Variants in CCDC74A observed in about 807,000 individuals in gnomAD.
The protein encoded by CCDC74A is coiled-coil domain containing 74A.
Under a neutral mutation model 37.6 loss-of-function variants are expected in CCDC74A, and 38 were observed. The observed-to-expected ratio is 1.01, with a 90% CI of 0.78 to 1.33. CCDC74A has a LOEUF of 1.33. Among genes scored for constraint, CCDC74A ranks in the 40% most tolerant of loss-of-function variants. CCDC74A has a pLI of 0.00. For synonymous variants in CCDC74A, 134 were observed against 165.2 expected, an observed-to-expected ratio of 0.81 and a Z score of 1.45; for missense variants, 340 against 403.4, an observed-to-expected ratio of 0.84 and a Z score of 1.35.
In CCDC74A at chr2:131,531,807, G is replaced by A. The variant is rs1681354435; in HGVS notation, c.485+5G>A. 2 of 1,526,400 alleles carry A rather than the reference G, an allele frequency of 1.3e-6. No homozygotes were observed. The highest frequency in any genetic ancestry group is 1.7e-6 in the Non-Finnish European group (2 of 1,146,474). 94.6% of individuals were successfully genotyped at this position (1,526,400 alleles called of 1,614,324 possible). A position where few individuals can be genotyped will look rare whatever the true frequency, so the allele number is the denominator to read the frequency against. On this transcript the variant is annotated splice_donor_5th_base_variant and intron_variant, in intron 4 of 7. Coordinates refer to ENST00000409856, the MANE Select transcript of CCDC74A (RefSeq NM_001258306.3). ...TGGGGTACAAGGGCAGGCCAGGTAA[G>A]GCTTGGGTGTTCCTGGGGTGCAAGG...
At position 131,533,608 on chromosome 2, in the gene CCDC74A, C is replaced by T. The variant is rs578163684; in HGVS notation, c.*210C>T. 7.7e-6 allele frequency: 5 copies of T among 648,470 alleles called. No individual in the cohort carries two copies. The highest frequency in any genetic ancestry group is 7.8e-6 in the Non-Finnish European group (3 of 386,234). 40.2% of individuals were successfully genotyped at this position (648,470 alleles called of 1,614,324 possible). On this transcript the variant is annotated 3_prime_UTR_variant, in exon 8 of 8. Coordinates refer to ENST00000409856, the MANE Select transcript of CCDC74A (RefSeq NM_001258306.3). ...TATTTGGCATTTACATAAAAGCACA[C>T]GATGAAGCAGGTATCGCCTTACCTG...
Position 131,528,076 on chromosome 2 carries a change from C to T in CCDC74A, c.106C>T (p.Pro36Ser). 6.2e-7 allele frequency: 1 copy of T among 1,610,218 alleles called. No individual in the cohort carries two copies. The highest frequency in any genetic ancestry group is 8.5e-7 in the Non-Finnish European group (1 of 1,178,824). ...CTCTGTGGGCGTCCAGTCCTTGAGG[C>T]CGCAGAGCCCGCAGCTCAGGCAGAG... is the stretch of plus-strand genomic sequence containing the variant. ...RPSVGVQSLR[P>S]QSPQLRQSDP... The change falls in exon 1 of 8, where the codon CCG becomes TCG. Residue 36 changes from proline (P) to serine (S), a missense_variant. Physicochemically the swap from Pro to Ser is moderately conservative, Grantham distance 74 (BLOSUM62 -1). Transcript: ENST00000409856.
At chr2:131,530,068 G>A (rs1221006224) in intron 2 of CCDC74A, 4 of 1,550,280 alleles carry the variant, frequency 2.6e-6, no homozygotes, top group Middle Eastern at 3.3e-4. Flanking sequence ...CAGCCCTATG[G>A]CTCTGAGTCC....
intron 1 of CCDC74A, among the ~76,000 whole-genome samples, chr2:131,528,957 C>T (rs918825672): frequency 1.5e-5 from 2 of 131,194 alleles, no homozygotes; most frequent in African/African-American, 5.6e-5. Context: ...TGTGCCCATG[C>T]TGTCCTCCGG....
chr2:131,528,633 ATCTCG>A, intron 1 of CCDC74A: 1 of 659,682 alleles, frequency 1.5e-6, no homozygotes, highest in Non-Finnish European at 2.6e-6. Flanking sequence ...ACACGGTGAA[ATCTCG>A]TCTCTACTAA....
rs768343816 is a variant in CCDC74A at position 131,533,391 on chromosome 2, T to C, written c.932T>C (p.Val311Ala). 5.0e-6 allele frequency: 8 copies of C among 1,613,484 alleles called. No homozygotes were observed. The highest frequency in any genetic ancestry group is 6.8e-6 in the Non-Finnish European group (8 of 1,179,964). Residue 311 changes from valine (V) to alanine (A), a missense_variant, in exon 8 of 8, where the codon GTG becomes GCG. Physicochemically the swap from Val to Ala is moderately conservative, Grantham distance 64. Coordinates refer to ENST00000409856, the MANE Select transcript of CCDC74A (RefSeq NM_001258306.3). ...CAGAAACGGCGCCTGCATCGCTCAG[T>C]GCTTTGAGCCACCCCAATCTGGTCA... ...AMQKRRLHRS[V>A]L is the part of the protein sequence containing the mutation.
At chr2:131,526,763 G>T (rs1278288622), upstream of CCDC74A, among the ~76,000 whole-genome samples, 2 of 152,206 alleles carry the variant, frequency 1.3e-5, no homozygotes, top group African/African-American at 4.8e-5. Context: ...CATGTGTTCT[G>T]TTTGTTAACT....
In CCDC74A at chr2:131,533,479, C is replaced by T; in HGVS notation, c.*81C>T. The T allele has an allele frequency of 6.4e-7, 1 of 1,570,694 alleles. No individual in the cohort carries two copies. Among genetic ancestry groups the T allele is most frequent in the East Asian group, 2.3e-5 (1 of 44,172 alleles). On this transcript the variant is annotated 3_prime_UTR_variant, in exon 8 of 8. Coordinates refer to ENST00000409856, the MANE Select transcript of CCDC74A (RefSeq NM_001258306.3). ...TCTATAGCATTTCCTGATACTTCCG[C>T]TACTTTTAGGCCTGGCTAAATTCCA...
intron 2 of CCDC74A, 105 bp from the exon 3 acceptor site, chr2:131,530,672 C>A (rs1681097541): frequency 6.2e-7 from 1 of 1,612,882 alleles, no homozygotes; most frequent in African/African-American, 1.3e-5. Context: ...CCGGGAGGAC[C>A]CAGCCCTGCC....
At chr2:131,528,317 C>T (rs917449689) in intron 1 of CCDC74A, 97 bp downstream of exon 1, 2 of 1,552,198 alleles carry the variant, frequency 1.3e-6, no homozygotes, top group Admixed American at 2.0e-5. Flanking sequence ...AACTCCAGCA[C>T]ACGCCTGGGC....
chr2:131,522,896 T>C (rs1488767997), upstream of CCDC74A, among the ~76,000 whole-genome samples: 1 of 152,144 alleles, frequency 6.6e-6, no homozygotes, highest in African/African-American at 2.4e-5. Flanking sequence ...ACATTTCCAA[T>C]ATAAATGAGA....
intron 4 of CCDC74A, among the ~76,000 whole-genome samples, chr2:131,532,235 T>C (rs2599961): frequency 0.63 from 68,039 of 108,606 alleles, 16,240 homozygotes; most frequent in Middle Eastern, 0.7. Flanking sequence ...TGCTACAGAG[T>C]GCACACTTTC....
rs1352794418 is a variant in CCDC74A, at chr2:131,529,687, G to T, written c.291G>T (p.Lys97Asn). The T allele has an allele frequency of 6.2e-6, 10 of 1,613,902 alleles. No homozygotes were observed. The highest frequency in any genetic ancestry group is 7.6e-6 in the Non-Finnish European group (9 of 1,179,872). ...TCATAATGAATCAGACATCACAGAA[G>T]AAAGGTGAGAACTGGGCCCTTCAGT... is the stretch of plus-strand genomic sequence containing the variant. ...YKLIMNQTSQ[K>N]KDSLSMSSFQ... Residue 97 changes from lysine (K) to asparagine (N), a missense_variant, in exon 2 of 8, where the codon AAG becomes AAT. This residue lies in a region of CCDC74A where 154 missense variants were observed against 153.9 expected (regional missense o/e 1.00). Coordinates refer to ENST00000409856, the MANE Select transcript of CCDC74A (RefSeq NM_001258306.3).
At chr2:131,525,782 C>T (rs1465843968), upstream of CCDC74A, among the ~76,000 whole-genome samples, 1 of 135,920 alleles carries the variant, frequency 7.4e-6, no homozygotes, top group Non-Finnish European at 1.5e-5. Flanking sequence ...GCAGTGGTAC[C>T]ATCTTGGCTC....
chr2:131,532,744 G>T lies in CCDC74A; in HGVS notation c.641G>T (p.Arg214Leu), dbSNP rs534659950. ...TTLRQCEVLI[R>L]ELWNTNLLQT... The stretch of plus-strand genomic sequence containing the variant: ...CTTAGGCAGTGCGAAGTGCTCATCC[G>T]CGAGCTGTGGAATACCAACCTCCTG... Residue 214 changes from arginine to leucine, a missense_variant, in exon 5 of 8, where the codon CGC (arginine) becomes CTC (leucine). Arg to Leu is a moderately radical substitution (Grantham distance 102). Transcript: ENST00000409856. 7 of 1,613,500 alleles carry T rather than the reference G, an allele frequency of 4.3e-6. No individual in the cohort carries two copies. Among genetic ancestry groups the T allele is most frequent in the Non-Finnish European group, 5.9e-6 (7 of 1,179,790 alleles).
upstream of CCDC74A, among the ~76,000 whole-genome samples, chr2:131,527,109 A>AT (rs1465983831): frequency 1.4e-5 from 2 of 140,930 alleles, no homozygotes; most frequent in African/African-American, 5.3e-5. Flanking sequence ...AAATTTATTT[A>AT]TTTATTTATT....
Position 131,533,028 on chromosome 2 carries a change from G to C in CCDC74A, c.768G>C (p.Thr256=). Residue 256 remains threonine (T), a synonymous_variant, in exon 7 of 8, where the codon ACG becomes ACC. Coordinates refer to ENST00000409856, the MANE Select transcript of CCDC74A (RefSeq NM_001258306.3). ...EASFPRDQEA[T]HFPKVSTKSL... is the part of the protein sequence containing the mutation. ...CTTCACCCAGGGACCAAGAAGCCACGCATTTCCCCAAGGTCTCCACCAAGA... is the reference window on the plus strand; with the variant it reads ...CTTCACCCAGGGACCAAGAAGCCACCCATTTCCCCAAGGTCTCCACCAAGA... The C allele has an allele frequency of 1.2e-6, 2 of 1,613,920 alleles. No individual in the cohort carries two copies. Among genetic ancestry groups the C allele is most frequent in the Non-Finnish European group, 1.7e-6 (2 of 1,179,848 alleles).
At chr2:131,529,788 T>C (rs919863761) in intron 2 of CCDC74A, 97 bp downstream of exon 2, 2 of 1,565,172 alleles carry the variant, frequency 1.3e-6, no homozygotes, top group African/African-American at 1.4e-5. Flanking sequence ...CTGGCCCCTG[T>C]ATGCCAACCC....
rs1680879015 is a variant in CCDC74A, at chr2:131,529,651, C to T, written c.255C>T (p.Leu85=). The T allele has an allele frequency of 2.5e-6, 4 of 1,614,006 alleles. No individual in the cohort carries two copies. In the African/African-American group the frequency reaches 4.0e-5, roughly 16 times the overall value. The change falls in exon 2 of 8, where the codon CTC becomes CTT. Residue 85 remains leucine, a synonymous_variant. Coordinates refer to ENST00000409856, the MANE Select transcript of CCDC74A (RefSeq NM_001258306.3). The stretch of plus-strand genomic sequence containing the variant: ...AGAGCGTGTGCTTGCTTTCAGATCT[C>T]CATTACAAGCTCATAATGAATCAGA... ...IEHLKRENKD[L]HYKLIMNQTS...
Sources: gnomAD v4.1 joint callset for allele counts (sites outside exome capture counted in the v4.1 genomes callset) on GRCh38, gnomAD v4.1.1 for gene constraint, gnomAD v4.1.1 regional missense constraint, MANE v1.5 for transcripts, NCBI Gene and HGNC (gene_info 2026-07-23, HGNC 2026-07-21) for gene names.